ABL2: variants seen among roughly 807,000 people sequenced by gnomAD.
ABL2 encodes ABL proto-oncogene 2, non-receptor tyrosine kinase.
ABL2 carries 49 observed loss-of-function variants against 107.7 expected under a neutral mutation model. That is an observed-to-expected ratio of 0.45 (90% CI 0.36 to 0.58). The LOEUF (loss-of-function observed/expected upper bound fraction) is 0.58, where lower values mean the gene tolerates loss of function less well. Ranked by LOEUF, ABL2 falls within the 20% of genes least tolerant of loss-of-function variation. ABL2 has a pLI of 0.00. For missense variants in ABL2, 1,245 were observed against 1,457.0 expected (o/e 0.85, Z 2.37); for synonymous variants, 549 against 548.6 (o/e 1.00, Z -0.01).
intron 11 of ABL2, 40 bp downstream of exon 11, chr1:179,110,242 G>C (rs781014383): frequency 1.2e-6 from 2 of 1,610,410 alleles, no homozygotes; most frequent in African/African-American, 1.3e-5. Flanking sequence ...TTTAAACAAG[G>C]CAGTTTCTAT....
chr1:179,109,381 T>C lies in ABL2; in HGVS notation c.1886A>G (p.Asp629Gly). 6.2e-7 allele frequency: 1 copy of C among 1,614,114 alleles called. No individual in the cohort carries two copies. The highest frequency in any genetic ancestry group is 8.5e-7 in the Non-Finnish European group (1 of 1,180,022). ...TTCCAAGAGGCTGCTGGGTGACTTG[T>C]CTCTTTGCTTTCGAGGCAGTGCTGG... is the stretch of plus-strand genomic sequence containing the variant. ...GSPALPRKQR[D>G]KSPSSLLEDA... is the part of the protein sequence containing the mutation. Residue 629 changes from aspartate to glycine, a missense_variant, in exon 12 of 12, where the codon GAC becomes GGC. Asp to Gly is a moderately conservative substitution (Grantham distance 94, BLOSUM62 -1). This residue lies in a region of ABL2 where 761 missense variants were observed against 766.4 expected (regional missense o/e 0.99). Transcript: ENST00000502732.
At chr1:179,222,698 C>A (rs1452139618) in intron 1 of ABL2, among the ~76,000 whole-genome samples, 1 of 151,974 alleles carries the variant, frequency 6.6e-6, no homozygotes, top group Non-Finnish European at 1.5e-5. Flanking sequence ...CTGAAACTCA[C>A]CAGGAACCCA....
At chr1:179,201,740 C>A in intron 1 of ABL2, 1 of 753,850 alleles carries the variant, frequency 1.3e-6, no homozygotes, top group South Asian at 1.4e-5. Context: ...CTTTAGTCAT[C>A]AACTATGACC....
At chr1:179,145,274 T>G (rs1657903795) in intron 1 of ABL2, among the ~76,000 whole-genome samples, 1 of 152,182 alleles carries the variant, frequency 6.6e-6, no homozygotes, top group Non-Finnish European at 1.5e-5. Flanking sequence ...CCTACTAAAC[T>G]GTACATCTAC....
intron 7 of ABL2, among the ~76,000 whole-genome samples, chr1:179,118,046 A>G (rs1328515933): frequency 6.6e-6 from 1 of 151,892 alleles, no homozygotes; most frequent in African/African-American, 2.4e-5. Context: ...CCAGCTACTC[A>G]GGAGGCTGAG....
At chr1:179,174,895 C>CAAAAAAA (rs1161355678) in intron 1 of ABL2, among the ~76,000 whole-genome samples, 1 of 33,694 alleles carries the variant, frequency 3.0e-5, no homozygotes, top group Admixed American at 4.1e-4. Flanking sequence ...GACTCTGTCT[C>CAAAAAAA]AAAAAAAAAA....
At position 179,110,490 on chromosome 1, in the gene ABL2, A is replaced by C. The variant is rs768355286; in HGVS notation, c.1652-35T>G. ...AGACAAGGGGACCAATAAAAAGAAC[A>C]ATTTCATAGCAGAAAAAGGGAGTTC... is the stretch of plus-strand genomic sequence containing the variant. On this transcript the variant is annotated intron_variant, in intron 10 of 11. Coordinates refer to ENST00000502732, the MANE Select transcript of ABL2 (RefSeq NM_007314.4). The C allele has an allele frequency of 2.4e-5, 38 of 1,574,374 alleles. No homozygotes were observed. The East Asian group carries it at 6.0e-4, about 25-fold the overall frequency.
rs748639407 is a variant in ABL2, at chr1:179,110,382, A to C, written c.1725T>G (p.Leu575=). ...VVPYLPRLPI[L]PSKTRTLKKQ... ...TCTTCAGTGTCCGAGTCTTGGAAGG[A>C]AGTATAGGTAGCCGGGGCAGGTATG... is the stretch of plus-strand genomic sequence containing the variant. Residue 575 remains leucine, a synonymous_variant, in exon 11 of 12, where the codon CTT becomes CTG. Transcript: ENST00000502732. 6.2e-7 allele frequency: 1 copy of C among 1,614,148 alleles called. No individual in the cohort carries two copies. Among genetic ancestry groups the C allele is most frequent in the South Asian group, 1.1e-5 (1 of 91,078 alleles).
At chr1:179,164,109 G>A (rs970254810) in intron 1 of ABL2, among the ~76,000 whole-genome samples, 8 of 152,146 alleles carry the variant, frequency 5.3e-5, no homozygotes, top group Non-Finnish European at 8.8e-5. Context: ...AAACTGTTCC[G>A]CTGTTTGTGG....
At chr1:179,216,859 T>G (rs1662592510) in intron 1 of ABL2, among the ~76,000 whole-genome samples, 1 of 151,964 alleles carries the variant, frequency 6.6e-6, no homozygotes, top group Admixed American at 6.6e-5. Flanking sequence ...AATTTTTGTA[T>G]TTTTAGTAGA....
chr1:179,100,768 C>A lies in ABL2; in HGVS notation c.*6950G>T. ...GAATAGACACAGATGACATGTATCA[C>A]AATTCTGCTCCAAATATGGTGTGGT... On this transcript the variant is annotated 3_prime_UTR_variant, in exon 12 of 12. Transcript: ENST00000502732. 1 of 231,764 alleles carries A rather than the reference C, an allele frequency of 4.3e-6. No individual in the cohort carries two copies. The highest frequency in any genetic ancestry group is 8.5e-6 in the Non-Finnish European group (1 of 117,112). 14.4% of individuals were successfully genotyped at this position (231,764 alleles called of 1,614,324 possible).
chr1:179,172,711 T>C (rs1659793512), intron 1 of ABL2, among the ~76,000 whole-genome samples: 1 of 152,186 alleles, frequency 6.6e-6, no homozygotes, highest in South Asian at 2.1e-4. Context: ...ACACTGCTGA[T>C]ATTCCTCAAA....
chr1:179,108,990 C>A lies in ABL2; in HGVS notation c.2277G>T (p.Lys759Asn). Residue 759 changes from lysine to asparagine, a missense_variant, in exon 12 of 12, where the codon AAG becomes AAT. Transcript: ENST00000502732. ...TGFFTPRLIK[K>N]TLGLRAGKPT... Reference sequence around the variant, plus strand: ...GTTTACCTGCTCGTAAGCCCAGTGTCTTTTTGATTAAGCGTGGTGTAAAGA... The same window carrying A: ...GTTTACCTGCTCGTAAGCCCAGTGTATTTTTGATTAAGCGTGGTGTAAAGA... 6.2e-7 allele frequency: 1 copy of A among 1,614,112 alleles called. No homozygotes were observed. The highest frequency in any genetic ancestry group is 8.5e-7 in the Non-Finnish European group (1 of 1,180,034).
intron 1 of ABL2, among the ~76,000 whole-genome samples, chr1:179,148,852 A>C (rs1658187904): frequency 6.6e-6 from 1 of 151,102 alleles, no homozygotes; most frequent in Non-Finnish European, 1.5e-5. Context: ...GTACGCCGAG[A>C]TCATGCCACT....
chr1:179,186,236 C>T (rs1046786098), intron 1 of ABL2, among the ~76,000 whole-genome samples: 3 of 151,820 alleles, frequency 2.0e-5, no homozygotes, highest in East Asian at 3.9e-4. Context: ...CAGAGGGAGA[C>T]GCTGTCTTAA....
intron 1 of ABL2, among the ~76,000 whole-genome samples, chr1:179,205,911 AC>A (rs1320733598): frequency 6.6e-6 from 1 of 152,204 alleles, no homozygotes; most frequent in Non-Finnish European, 1.5e-5. Context: ...TACTTATACA[AC>A]ACCAACTACA....
At chr1:179,160,578 G>C (rs1316057354) in intron 1 of ABL2, among the ~76,000 whole-genome samples, 1 of 151,970 alleles carries the variant, frequency 6.6e-6, no homozygotes, top group Admixed American at 6.6e-5. Flanking sequence ...ACACAGATTT[G>C]CTCCAATTTC....
chr1:179,127,994 C>G (rs1655896540), intron 3 of ABL2, among the ~76,000 whole-genome samples: 2 of 149,066 alleles, frequency 1.3e-5, no homozygotes, highest in South Asian at 4.2e-4. Context: ...GAGATTGCAC[C>G]ACTGTACTCC....
chr1:179,115,482 T>C (rs972425362), intron 8 of ABL2, among the ~76,000 whole-genome samples: 1 of 152,238 alleles, frequency 6.6e-6, no homozygotes, highest in Non-Finnish European at 1.5e-5. Flanking sequence ...TTAAATTGCA[T>C]GCTGCCTTGA....
Sources: gnomAD v4.1 joint callset for allele counts (sites outside exome capture counted in the v4.1 genomes callset) on GRCh38, gnomAD v4.1.1 for gene constraint, gnomAD v4.1.1 regional missense constraint, MANE v1.5 for transcripts, NCBI Gene and HGNC (gene_info 2026-07-23, HGNC 2026-07-21) for gene names.